The following LMO7 variants were observed in gnomAD, a reference collection of about 807,000 sequenced individuals.
LMO7 encodes the protein LIM domain only protein 7.
In LMO7, 120 loss-of-function variants were observed where a neutral mutation model predicts 206.5. The ratio of observed to expected loss-of-function variants is 0.58; its 90% confidence interval spans 0.50 to 0.68. The LOEUF (loss-of-function observed/expected upper bound fraction) is 0.68, where lower values mean the gene tolerates loss of function less well. LMO7 is among the 30% of genes least tolerant of loss of function. The pLI is 0.00. For synonymous variants in LMO7, 706 were observed against 681.5 expected, an observed-to-expected ratio of 1.04 and a Z score of -0.56; for missense variants, 1,959 against 1,957.9, an observed-to-expected ratio of 1.00 and a Z score of -0.01.
At chr13:75,641,825 CTT>C (rs781445163) in intron 1 of LMO7, among the ~76,000 whole-genome samples, 20 of 140,698 alleles carry the variant, frequency 1.4e-4, no homozygotes, top group Admixed American at 2.9e-4. Context: ...TTTTGTATTT[CTT>C]TTTTTTTTTT....
chr13:75,726,659 A>C (rs1405774699), intron 2 of LMO7, among the ~76,000 whole-genome samples: 1 of 152,152 alleles, frequency 6.6e-6, no homozygotes, highest in African/African-American at 2.4e-5. Flanking sequence ...CTATTAGTAG[A>C]AAATAGTATT....
chr13:75,839,631 G>A (rs1416029310), intron 20 of LMO7: 1 of 153,754 alleles, frequency 6.5e-6, no homozygotes, highest in Non-Finnish European at 1.4e-5. Flanking sequence ...TGGCTCATTA[G>A]TAAGAAGGCT....
chr13:75,642,097 T>C (rs1189291922), intron 1 of LMO7, among the ~76,000 whole-genome samples: 1 of 152,136 alleles, frequency 6.6e-6, no homozygotes, highest in Non-Finnish European at 1.5e-5. Context: ...AAGGAACTGA[T>C]TTACACAAAT....
intron 7 of LMO7, among the ~76,000 whole-genome samples, chr13:75,802,964 G>A (rs1299363929): frequency 5.9e-5 from 9 of 152,058 alleles, no homozygotes; most frequent in Admixed American, 1.3e-4. Flanking sequence ...CACCGTACTG[G>A]GCTAAAAAAT....
chr13:75,845,115 A>C (rs1464424199), intron 25 of LMO7, among the ~76,000 whole-genome samples: 1 of 152,194 alleles, frequency 6.6e-6, no homozygotes, highest in Non-Finnish European at 1.5e-5. Context: ...ATCTATTTCC[A>C]GCATTTCACT....
intron 26 of LMO7, among the ~76,000 whole-genome samples, chr13:75,846,103 T>TAAA (rs34018345): frequency 0.011 from 1,637 of 147,114 alleles, 17 homozygotes; most frequent in Non-Finnish European, 0.016. Flanking sequence ...ACAGAAAAGT[T>TAAA]AAAAAAAAAA....
chr13:75,821,483 T>A lies in LMO7; in HGVS notation c.2514T>A (p.Thr838=), dbSNP rs369225683. The change falls in exon 14 of 31, where the codon ACT becomes ACA. Residue 838 remains threonine, a synonymous_variant. Transcript: ENST00000377534. ...CACGGAGCACACAAATGGAATCAAC[T>A]CGTGTTTCAGCTTCTCTCCCCAGAA... is the stretch of plus-strand genomic sequence containing the variant. ...LRSRSTQMES[T]RVSASLPRSY... is the part of the protein sequence containing the mutation. 36 of 1,614,038 alleles carry A rather than the reference T, an allele frequency of 2.2e-5. No homozygotes were observed. In the African/African-American group the frequency reaches 3.6e-4, roughly 16 times the overall value.
intron 1 of LMO7, among the ~76,000 whole-genome samples, chr13:75,685,840 G>T (rs1037777238): frequency 6.6e-6 from 1 of 151,466 alleles, no homozygotes; most frequent in Non-Finnish European, 1.5e-5. Context: ...AATTCACTGG[G>T]AAATGAAGAC....
At chr13:75,704,750 A>T (rs2042530420) in intron 1 of LMO7, among the ~76,000 whole-genome samples, 1 of 152,222 alleles carries the variant, frequency 6.6e-6, no homozygotes, top group African/African-American at 2.4e-5. Flanking sequence ...GGATTATGCG[A>T]TCAGAACTGG....
At chr13:75,769,906 C>T (rs752107604) in intron 4 of LMO7, among the ~76,000 whole-genome samples, 7 of 152,036 alleles carry the variant, frequency 4.6e-5, no homozygotes, top group African/African-American at 1.4e-4. Context: ...TGGAGAAAAT[C>T]GTCGAAGGAA....
chr13:75,727,149 A>G (rs561561012), intron 3 of LMO7, 51 bp downstream of exon 3: 59 of 1,230,864 alleles, frequency 4.8e-5, no homozygotes, highest in Non-Finnish European at 6.7e-5. Flanking sequence ...TTGAAATGTA[A>G]AGAGGTGGGC....
chr13:75,717,589 T>A (rs1205932476), intron 2 of LMO7, among the ~76,000 whole-genome samples: 2 of 149,518 alleles, frequency 1.3e-5, no homozygotes, highest in African/African-American at 2.5e-5. Context: ...AAAATATATA[T>A]TTTTTTATTT....
intron 3 of LMO7, among the ~76,000 whole-genome samples, chr13:75,744,305 CTT>C (rs1277885135): frequency 6.6e-6 from 1 of 152,144 alleles, no homozygotes; most frequent in African/African-American, 2.4e-5. Flanking sequence ...AGCATAATCT[CTT>C]AGTCATAACA....
At chr13:75,724,372 G>A (rs1326594407) in intron 2 of LMO7, among the ~76,000 whole-genome samples, 1 of 152,112 alleles carries the variant, frequency 6.6e-6, no homozygotes. Flanking sequence ...TAGGGCTAGA[G>A]GGATGGAACA....
intron 15 of LMO7, among the ~76,000 whole-genome samples, chr13:75,831,259 A>G (rs997150025): frequency 3.3e-5 from 5 of 152,176 alleles, no homozygotes; most frequent in Non-Finnish European, 7.4e-5. Context: ...CTGAGATATA[A>G]ACAATTATTT....
At chr13:75,663,432 C>CTTTCTTTCTTTCT (rs1555289857) in intron 1 of LMO7, among the ~76,000 whole-genome samples, 67 of 111,386 alleles carry the variant, frequency 6.0e-4, no homozygotes, top group African/African-American at 8.3e-4. Context: ...TTCTTTCTTT[C>CTTTCTTTCTTTCT]TTTTTTTTTT....
At chr13:75,803,480 G>A (rs1303041643) in intron 7 of LMO7, among the ~76,000 whole-genome samples, 2 of 152,174 alleles carry the variant, frequency 1.3e-5, no homozygotes, top group African/African-American at 2.4e-5. Context: ...GCTTGGCTTG[G>A]ATCTGTAGTG....
chr13:75,793,864 A>G (rs117458938), intron 4 of LMO7, among the ~76,000 whole-genome samples: 2,158 of 152,160 alleles, frequency 0.014, 27 homozygotes, highest in South Asian at 0.033. Context: ...CTGACTTCTA[A>G]CAGCATTTTT....
chr13:75,686,567 T>C (rs1207669022), intron 1 of LMO7, among the ~76,000 whole-genome samples: 7 of 141,822 alleles, frequency 4.9e-5, no homozygotes, highest in Non-Finnish European at 1.1e-4. Context: ...AGGGATAAAA[T>C]ATATTGGAGT....
Sources: allele counts gnomAD v4.1 joint callset (sites outside exome capture counted in the v4.1 genomes callset), GRCh38; gene constraint gnomAD v4.1.1; transcripts MANE v1.5; gene names NCBI Gene and HGNC (gene_info 2026-07-23, HGNC 2026-07-21).